The following EFNA5 variants were observed in gnomAD, a reference collection of about 807,000 sequenced individuals.
EFNA5 encodes ephrin-A5.
EFNA5 carries 5 observed loss-of-function variants against 22.9 expected under a neutral mutation model. That is an observed-to-expected ratio of 0.22 (90% CI 0.11 to 0.46). The LOEUF is 0.46. Ranked by LOEUF, EFNA5 falls within the 20% of genes least tolerant of loss-of-function variation. EFNA5 has a pLI of 0.99. For synonymous variants in EFNA5, 113 were observed against 112.2 expected (o/e 1.01, Z -0.04); for missense variants, 237 against 293.3 (o/e 0.81, Z 1.40).
intron 1 of EFNA5, among the ~76,000 whole-genome samples, chr5:107,546,686 A>ACACT (rs138484651): frequency 2.8e-5 from 4 of 142,426 alleles, no homozygotes; most frequent in Non-Finnish European, 6.2e-5. Context: ...ACACACACAC[A>ACACT]CTCTCACCCC....
intron 1 of EFNA5, among the ~76,000 whole-genome samples, chr5:107,601,399 C>T (rs1032998883): frequency 2.2e-5 from 3 of 136,454 alleles, no homozygotes; most frequent in African/African-American, 9.5e-5. Flanking sequence ...TCTCTGCCCA[C>T]CACTGTACTG....
At chr5:107,507,127 C>G (rs60262497) in intron 1 of EFNA5, among the ~76,000 whole-genome samples, 1,699 of 152,134 alleles carry the variant, frequency 0.011, 12 homozygotes, top group African/African-American at 0.026. Context: ...TAAAAAAAAA[C>G]TTTTGTTCAA....
At chr5:107,483,934 T>A (rs1344527969) in intron 1 of EFNA5, among the ~76,000 whole-genome samples, 1 of 152,186 alleles carries the variant, frequency 6.6e-6, no homozygotes, top group Non-Finnish European at 1.5e-5. Flanking sequence ...GAGACACTTT[T>A]CAGGTGGCAG....
At position 107,571,006 on chromosome 5, in the gene EFNA5, T is replaced by G. The variant is rs535181242; in HGVS notation, c.125+99483A>C. Among the ~76,000 whole-genome samples the G allele has an allele frequency of 1.6e-4, 24 of 152,344 alleles. 1 individual carries two copies. The highest frequency in any genetic ancestry group is 5.8e-4 in the African/African-American group (24 of 41,582). On this transcript the variant is annotated intron_variant, in intron 1 of 4. Coordinates refer to ENST00000333274, the MANE Select transcript of EFNA5 (RefSeq NM_001962.3). The stretch of plus-strand genomic sequence containing the variant: ...TTCACATTCCTCCCTGGGGGGTACC[T>G]GTTGCAGTTGCACGGGTGCACTCTC...
rs1436268947 is a variant in EFNA5, at chr5:107,482,856, CTCTCTCTCTCTCTCTA to C, written c.126-55363_126-55348del. On this transcript the variant is annotated intron_variant, in intron 1 of 4. Coordinates refer to ENST00000333274, the MANE Select transcript of EFNA5 (RefSeq NM_001962.3). ...TGTCTCTCTCTCTCTCTCTCTCTCT[CTCTCTCTCTCTCTCTA>C]TATATATATATATATATATATACAT... Among the ~76,000 whole-genome samples, 397 of 75,358 alleles carry C rather than the reference CTCTCTCTCTCTCTCTA, an allele frequency of 5.3e-3. 1 individual carries two copies. The highest frequency in any genetic ancestry group is 0.019 in the African/African-American group (353 of 18,450). The allele number at this position is 75,358 out of a possible 152,430, so 49.4% of individuals were successfully genotyped here.
intron 1 of EFNA5, among the ~76,000 whole-genome samples, chr5:107,620,036 C>G (rs1160332557): frequency 1.3e-5 from 2 of 152,194 alleles, no homozygotes; most frequent in East Asian, 3.8e-4. Flanking sequence ...CAGTAGCAAA[C>G]CTCAGTGAGC....
At chr5:107,652,906 G>A (rs932726146) in intron 1 of EFNA5, among the ~76,000 whole-genome samples, 1 of 151,188 alleles carries the variant, frequency 6.6e-6, no homozygotes, top group Non-Finnish European at 1.5e-5. Flanking sequence ...AAAAAAAATA[G>A]TTTAAATTTT....
intron 1 of EFNA5, among the ~76,000 whole-genome samples, chr5:107,554,152 G>A (rs1022927679): frequency 5.3e-5 from 8 of 152,154 alleles, no homozygotes; most frequent in African/African-American, 1.9e-4. Flanking sequence ...CTGGCTGATC[G>A]CCCTATAATT....
intron 1 of EFNA5, among the ~76,000 whole-genome samples, chr5:107,621,496 C>CA (rs1185518538): frequency 6.6e-6 from 1 of 152,130 alleles, no homozygotes; most frequent in East Asian, 1.9e-4. Context: ...AAAGTCCAGT[C>CA]AACAAAATTT....
intron 1 of EFNA5, among the ~76,000 whole-genome samples, chr5:107,553,879 A>G (rs1748352781): frequency 2.0e-5 from 3 of 152,184 alleles, no homozygotes; most frequent in African/African-American, 7.2e-5. Context: ...CATTTGCATG[A>G]TTCTTTGTTC....
At chr5:107,534,438 G>T (rs974844862) in intron 1 of EFNA5, among the ~76,000 whole-genome samples, 14 of 152,132 alleles carry the variant, frequency 9.2e-5, no homozygotes, top group African/African-American at 3.4e-4. Context: ...TGACAATAAA[G>T]AATGTAAATC....
chr5:107,586,051 AT>A (rs1749181158), intron 1 of EFNA5, among the ~76,000 whole-genome samples: 1 of 152,222 alleles, frequency 6.6e-6, no homozygotes, highest in Admixed American at 6.5e-5. Context: ...AGTGGATGCA[AT>A]TTTTTTAATG....
intron 1 of EFNA5, among the ~76,000 whole-genome samples, chr5:107,574,662 C>G (rs1748889164): frequency 1.3e-5 from 2 of 152,096 alleles, no homozygotes; most frequent in African/African-American, 4.8e-5. Context: ...AAAAGAAGCC[C>G]CTGGGCTTGA....
At chr5:107,595,029 C>A (rs1749445798) in intron 1 of EFNA5, among the ~76,000 whole-genome samples, 1 of 151,864 alleles carries the variant, frequency 6.6e-6, no homozygotes, top group Non-Finnish European at 1.5e-5. Context: ...CAAGAAAAAA[C>A]AAAATGAAAT....
chr5:107,488,644 C>T (rs1343182350), intron 1 of EFNA5, among the ~76,000 whole-genome samples: 1 of 152,182 alleles, frequency 6.6e-6, no homozygotes, highest in African/African-American at 2.4e-5. Context: ...AAGACACACA[C>T]ACACAACTAG....
intron 1 of EFNA5, among the ~76,000 whole-genome samples, chr5:107,667,449 T>C (rs2112565097): frequency 6.6e-6 from 1 of 152,206 alleles, no homozygotes; most frequent in South Asian, 2.1e-4. Context: ...GAGGCAGTAA[T>C]GAAACTCCAT....
chr5:107,438,012 T>C (rs1749161229), intron 1 of EFNA5, among the ~76,000 whole-genome samples: 1 of 152,200 alleles, frequency 6.6e-6, no homozygotes, highest in Admixed American at 6.5e-5. Context: ...TCGGGGTAAT[T>C]AAACACTGGA....
chr5:107,646,431 A>C (rs928056561), intron 1 of EFNA5, among the ~76,000 whole-genome samples: 10 of 152,220 alleles, frequency 6.6e-5, no homozygotes, highest in Non-Finnish European at 1.3e-4. Context: ...CAACATGCCT[A>C]CTGTGTGCCA....
rs755846070 is a variant in EFNA5 at position 107,387,282 on chromosome 5, C to T, written c.518G>A (p.Arg173His). Residue 173 changes from arginine (R) to histidine (H), a missense_variant, in exon 4 of 5, where the codon CGT (arginine) becomes CAT (histidine). Arg to His is a conservative substitution (Grantham distance 29). Transcript: ENST00000333274. The part of the protein sequence containing the change: ...SCMKTIGVHD[R>H]VFDVNDKVEN... ...TACTTTGTCGTTAACATCGAAAACA[C>T]GATCATGAACACCTATAGTTTTCAT... The T allele has an allele frequency of 5.0e-6, 8 of 1,604,522 alleles. No individual in the cohort carries two copies. The highest frequency in any genetic ancestry group is 6.0e-6 in the Non-Finnish European group (7 of 1,173,980).
Sources: gnomAD v4.1 joint callset for allele counts (sites outside exome capture counted in the v4.1 genomes callset) on GRCh38, gnomAD v4.1.1 for gene constraint, MANE v1.5 for transcripts, NCBI Gene and HGNC (gene_info 2026-07-23, HGNC 2026-07-21) for gene names.